Variants in CNTNAP2 observed in about 807,000 individuals in gnomAD.
CNTNAP2 encodes contactin-associated protein-like 2.
A neutral mutation model predicts 155.2 loss-of-function variants in CNTNAP2; 98 were observed. The observed-to-expected ratio is 0.63, with a 90% CI of 0.54 to 0.75. CNTNAP2 has a LOEUF of 0.75. CNTNAP2 is among the 30% of genes least tolerant of loss of function. CNTNAP2 has a pLI of 0.00. For synonymous variants in CNTNAP2, 651 were observed against 631.2 expected (o/e 1.03, Z -0.47); for missense variants, 1,727 against 1,688.1 (o/e 1.02, Z -0.40).
intron 8 of CNTNAP2, among the ~76,000 whole-genome samples, chr7:147,194,107 G>C (rs1172287969): frequency 6.6e-6 from 1 of 151,448 alleles, no homozygotes; most frequent in Non-Finnish European, 1.5e-5. Flanking sequence ...ACAGGCCCTG[G>C]TGTGTGATGT....
chr7:147,583,103 A>G (rs1800539646), intron 12 of CNTNAP2, among the ~76,000 whole-genome samples: 1 of 152,168 alleles, frequency 6.6e-6, no homozygotes, highest in Non-Finnish European at 1.5e-5. Context: ...TGAAAGCCTA[A>G]GCGAATGACC....
At chr7:146,863,174 T>G (rs1446858342) in intron 3 of CNTNAP2, among the ~76,000 whole-genome samples, 1 of 152,160 alleles carries the variant, frequency 6.6e-6, no homozygotes, top group African/African-American at 2.4e-5. Flanking sequence ...GACAAAAAAT[T>G]TTTCATATTT....
rs772138449 is a variant in CNTNAP2, at chr7:147,486,015, G to A, written c.1751G>A (p.Gly584Glu). 2 of 1,614,022 alleles carry A rather than the reference G, an allele frequency of 1.2e-6. No homozygotes were observed. Among genetic ancestry groups the A allele is most frequent in the South Asian group, 2.2e-5 (2 of 91,084 alleles). ...DSFKCTCDET[G>E]YSGATCHNSI... is the part of the protein sequence containing the mutation. Reference sequence around the variant, plus strand: ...TTCAAATGCACTTGTGATGAGACAGGATACAGTGGGGCCACCTGCCACAAC... The same window carrying A: ...TTCAAATGCACTTGTGATGAGACAGAATACAGTGGGGCCACCTGCCACAAC... The change falls in exon 11 of 24, where the codon GGA (glycine) becomes GAA (glutamate). Residue 584 changes from glycine (G) to glutamate (E), a missense_variant. Gly to Glu is a moderately conservative substitution (Grantham distance 98). Transcript: ENST00000361727.
In CNTNAP2 at chr7:146,116,898, G is replaced by A; in HGVS notation, c.22G>A (p.Gly8Ser). 1 of 1,546,466 alleles carries A rather than the reference G, an allele frequency of 6.5e-7. No individual in the cohort carries two copies. Residue 8 changes from glycine (G) to serine (S), a missense_variant, in exon 1 of 24, where the codon GGC (glycine) becomes AGC (serine). By Grantham distance (56) the Gly-to-Ser change is moderately conservative (BLOSUM62 0). Coordinates refer to ENST00000361727, the MANE Select transcript of CNTNAP2 (RefSeq NM_014141.6). This position sits in a 1 kb window ranked among gnomAD's most constrained non-coding sequence, Gnocchi z 5.5. ...AAGGATGCAGGCGGCTCCGCGCGCC[G>A]GCTGCGGGGCAGCGCTCCTGCTGTG... MQAAPRA[G>S]CGAALLLWIV...
chr7:146,724,270 G>A (rs1158169841), intron 1 of CNTNAP2, among the ~76,000 whole-genome samples: 3 of 152,120 alleles, frequency 2.0e-5, no homozygotes, highest in Admixed American at 1.3e-4. Flanking sequence ...TACATTGTAA[G>A]TGTTAGAACA....
intron 2 of CNTNAP2, among the ~76,000 whole-genome samples, chr7:146,821,181 T>C (rs1437686958): frequency 6.6e-6 from 1 of 152,168 alleles, no homozygotes; most frequent in African/African-American, 2.4e-5. Context: ...GTTAATATTG[T>C]TATGTGTGAA....
intron 21 of CNTNAP2, among the ~76,000 whole-genome samples, chr7:148,334,374 G>T (rs1035515947): frequency 1.3e-5 from 2 of 152,168 alleles, no homozygotes; most frequent in African/African-American, 4.8e-5. Context: ...CAGTCAATCG[G>T]GTGGCCTACC....
intron 3 of CNTNAP2, among the ~76,000 whole-genome samples, chr7:146,984,968 A>G (rs2129237623): frequency 6.6e-6 from 1 of 152,332 alleles, no homozygotes; most frequent in Non-Finnish European, 1.5e-5. Flanking sequence ...CATCTGAGTG[A>G]AATAGCCCTC....
chr7:146,292,492 G>T lies in CNTNAP2; in HGVS notation c.97+175519G>T, dbSNP rs1356545783. On this transcript the variant is annotated intron_variant, in intron 1 of 23. Transcript: ENST00000361727. ...GAAACAAGAGAACAAGTGTTGGTGA[G>T]AATGTGGAGAAAAGGAACTCTTAAC... Among the ~76,000 whole-genome samples, 5 of 152,176 alleles carry T rather than the reference G, an allele frequency of 3.3e-5. No homozygotes were observed. In the East Asian group the frequency reaches 9.6e-4, roughly 29 times the overall value.
At chr7:147,411,404 A>G (rs963201573) in intron 10 of CNTNAP2, among the ~76,000 whole-genome samples, 1 of 152,222 alleles carries the variant, frequency 6.6e-6, no homozygotes, top group African/African-American at 2.4e-5. Flanking sequence ...TTTGGGTCTC[A>G]GTAAGAAAGT....
chr7:146,830,774 A>C (rs1211572675), intron 2 of CNTNAP2, among the ~76,000 whole-genome samples: 1 of 152,150 alleles, frequency 6.6e-6, no homozygotes, highest in Non-Finnish European at 1.5e-5. Flanking sequence ...TTTCTTTTCC[A>C]GGTTTATATA....
chr7:148,005,489 A>T (rs892172925), intron 15 of CNTNAP2, among the ~76,000 whole-genome samples: 1 of 152,002 alleles, frequency 6.6e-6, no homozygotes, highest in Non-Finnish European at 1.5e-5. Context: ...CAGGGTAAAC[A>T]ATCGCCACTG....
intron 4 of CNTNAP2, among the ~76,000 whole-genome samples, chr7:147,105,466 T>C (rs971911660): frequency 6.6e-6 from 1 of 152,050 alleles, no homozygotes; most frequent in Admixed American, 6.6e-5. Context: ...AAGAAAAAAG[T>C]GGCTTGTCCC....
intron 1 of CNTNAP2, among the ~76,000 whole-genome samples, chr7:146,168,838 C>A (rs112544080): frequency 1.8e-4 from 28 of 152,298 alleles, no homozygotes; most frequent in African/African-American, 6.5e-4. Context: ...TATATCACTT[C>A]TCTGCTCAAA....
At chr7:146,623,380 T>C (rs1799365724) in intron 1 of CNTNAP2, among the ~76,000 whole-genome samples, 4 of 152,322 alleles carry the variant, frequency 2.6e-5, no homozygotes, top group African/African-American at 9.6e-5. Flanking sequence ...TATGGTATCA[T>C]ATAGAATAGT....
At chr7:146,127,662 C>A (rs139934708) in intron 1 of CNTNAP2, among the ~76,000 whole-genome samples, 12 of 152,256 alleles carry the variant, frequency 7.9e-5, no homozygotes, top group Middle Eastern at 3.4e-3. Context: ...TAAACCCAAG[C>A]CTGACTGTCC....
chr7:148,363,964 C>A (rs968552442), intron 21 of CNTNAP2, among the ~76,000 whole-genome samples: 17 of 152,294 alleles, frequency 1.1e-4, no homozygotes, highest in African/African-American at 3.8e-4. Flanking sequence ...CCAGTGGCTG[C>A]GGAGGGTGTA....
intron 1 of CNTNAP2, among the ~76,000 whole-genome samples, chr7:146,704,537 A>T (rs1262095010): frequency 6.6e-6 from 1 of 152,122 alleles, no homozygotes; most frequent in Non-Finnish European, 1.5e-5. Context: ...TGACTACTTA[A>T]ATTTCAGGTC....
chr7:146,903,494 C>T (rs968069330), intron 3 of CNTNAP2, among the ~76,000 whole-genome samples: 2 of 152,288 alleles, frequency 1.3e-5, no homozygotes, highest in East Asian at 3.9e-4. Flanking sequence ...AAACCTGATC[C>T]TTCTCAGTCT....
Sources: allele counts gnomAD v4.1 joint callset (sites outside exome capture counted in the v4.1 genomes callset), GRCh38; gene constraint gnomAD v4.1.1; non-coding constraint Gnocchi (gnomAD v3.1); transcripts MANE v1.5; gene names NCBI Gene and HGNC (gene_info 2026-07-23, HGNC 2026-07-21).